CLMP: variants seen among roughly 807,000 people sequenced by gnomAD.
CLMP encodes CXADR like cell adhesion molecule, also known as CXADR-like membrane protein.
CLMP carries 27 observed loss-of-function variants against 45.2 expected under a neutral mutation model. That is an observed-to-expected ratio of 0.60 (90% confidence interval 0.44 to 0.82). The LOEUF is 0.82. Ranked by LOEUF, CLMP falls within the 40% of genes least tolerant of loss-of-function variation. CLMP has a pLI of 0.00. For missense variants in CLMP, 403 were observed against 448.4 expected, an observed-to-expected ratio of 0.90 and a Z score of 0.91; for synonymous variants, 167 against 171.4, an observed-to-expected ratio of 0.97 and a Z score of 0.20.
rs1347140250 is a variant in CLMP, at chr11:123,145,288, C to T, written c.29-47336G>A. ...GTGCTATTAAAGGGTTAACTTTGTG[C>T]TCTCGTCTGTTTTCGTGCCAACCTC... On this transcript the variant is annotated intron_variant, in intron 1 of 6. Coordinates refer to ENST00000448775, the MANE Select transcript of CLMP (RefSeq NM_024769.5). 3.3e-5 allele frequency among the ~76,000 whole-genome samples: 5 copies of T among 152,102 alleles called. No individual in the cohort carries two copies. In the South Asian group the frequency reaches 8.3e-4, roughly 25 times the overall value.
chr11:123,095,123 G>T (rs2135478544), intron 2 of CLMP, among the ~76,000 whole-genome samples: 1 of 152,232 alleles, frequency 6.6e-6, no homozygotes, highest in Non-Finnish European at 1.5e-5. Context: ...GACAAGCAGG[G>T]AATTGTGACT....
At chr11:123,187,951 T>A (rs1159053772) in intron 1 of CLMP, among the ~76,000 whole-genome samples, 1 of 152,164 alleles carries the variant, frequency 6.6e-6, no homozygotes, top group African/African-American at 2.4e-5. Flanking sequence ...CACAGGAATA[T>A]CAGACACAGT....
At chr11:123,123,607 G>A (rs1026760431) in intron 1 of CLMP, among the ~76,000 whole-genome samples, 26 of 152,070 alleles carry the variant, frequency 1.7e-4, no homozygotes, top group Admixed American at 1.6e-3. Flanking sequence ...GAGGAAGTGC[G>A]GCGTACACAC....
intron 1 of CLMP, among the ~76,000 whole-genome samples, chr11:123,133,010 C>G (rs1158961166): frequency 6.6e-6 from 1 of 152,078 alleles, no homozygotes; most frequent in Non-Finnish European, 1.5e-5. Flanking sequence ...CTCAAGCGAT[C>G]TGCCTGCCTC....
At chr11:123,103,491 G>C (rs1417357594) in intron 1 of CLMP, among the ~76,000 whole-genome samples, 1 of 152,030 alleles carries the variant, frequency 6.6e-6, no homozygotes, top group Non-Finnish European at 1.5e-5. Context: ...TTGACAGTCA[G>C]CCAAGTCCTA....
chr11:123,150,480 A>AAGGAAGGAAGG (rs1565397435), intron 1 of CLMP, among the ~76,000 whole-genome samples: 9 of 40,956 alleles, frequency 2.2e-4, no homozygotes, highest in African/African-American at 3.4e-4. Context: ...AGAAAGAAAG[A>AAGGAAGGAAGG]AAGGAAGGAA....
chr11:123,177,666 G>A (rs1861716320), intron 1 of CLMP, among the ~76,000 whole-genome samples: 1 of 152,154 alleles, frequency 6.6e-6, no homozygotes, highest in African/African-American at 2.4e-5. Flanking sequence ...TGAGATTGCA[G>A]GCATGAGCCA....
intron 1 of CLMP, among the ~76,000 whole-genome samples, chr11:123,132,913 G>A (rs1483641151): frequency 6.6e-6 from 1 of 151,824 alleles, no homozygotes; most frequent in Admixed American, 6.6e-5. Flanking sequence ...GCAAGTAGGC[G>A]TGCACCACCA....
intron 1 of CLMP, among the ~76,000 whole-genome samples, chr11:123,108,060 T>A (rs1179834694): frequency 6.6e-6 from 1 of 151,996 alleles, no homozygotes; most frequent in Non-Finnish European, 1.5e-5. Flanking sequence ...GGAAAAGAAT[T>A]CTAGACGGAG....
chr11:123,131,334 T>C (rs1860985607), intron 1 of CLMP, among the ~76,000 whole-genome samples: 1 of 151,248 alleles, frequency 6.6e-6, no homozygotes, highest in African/African-American at 2.4e-5. Flanking sequence ...TAGAAAAAAA[T>C]ACAGAAAAAA....
At chr11:123,161,038 A>G (rs1861480893) in intron 1 of CLMP, among the ~76,000 whole-genome samples, 1 of 151,942 alleles carries the variant, frequency 6.6e-6, no homozygotes, top group Non-Finnish European at 1.5e-5. Context: ...TGAAACAGGC[A>G]GCATTAGATT....
At chr11:123,124,400 A>T (rs1204717350) in intron 1 of CLMP, among the ~76,000 whole-genome samples, 1 of 152,054 alleles carries the variant, frequency 6.6e-6, no homozygotes, top group East Asian at 1.9e-4. Context: ...TACCCCACAA[A>T]ACCCCTCTTA....
intron 1 of CLMP, among the ~76,000 whole-genome samples, chr11:123,143,736 T>G (rs995011738): frequency 5.9e-5 from 9 of 152,138 alleles, no homozygotes; most frequent in Non-Finnish European, 1.3e-4. Flanking sequence ...ACGACTTGCA[T>G]GTCCATGACA....
intron 1 of CLMP, among the ~76,000 whole-genome samples, chr11:123,110,544 A>C (rs1055203705): frequency 6.6e-5 from 10 of 151,982 alleles, no homozygotes; most frequent in African/African-American, 2.4e-4. Flanking sequence ...GCTGGAACTC[A>C]GGAAGTGCAG....
chr11:123,102,576 G>C (rs1358581375), intron 1 of CLMP, among the ~76,000 whole-genome samples: 1 of 142,560 alleles, frequency 7.0e-6, no homozygotes, highest in Non-Finnish European at 1.5e-5. Flanking sequence ...ACCGTGCCCA[G>C]CCAGGTTTTT....
At chr11:123,134,896 G>C (rs1211302074) in intron 1 of CLMP, among the ~76,000 whole-genome samples, 1 of 152,094 alleles carries the variant, frequency 6.6e-6, no homozygotes, top group Non-Finnish European at 1.5e-5. Flanking sequence ...GATACCAGCT[G>C]TCATAAATCC....
chr11:123,142,238 G>A (rs984478749), intron 1 of CLMP, among the ~76,000 whole-genome samples: 6 of 151,882 alleles, frequency 4.0e-5, no homozygotes, highest in Non-Finnish European at 5.9e-5. Flanking sequence ...CTCCTGCCTC[G>A]GCCTCCCAAA....
chr11:123,152,559 TA>T (rs1376927312), intron 1 of CLMP, among the ~76,000 whole-genome samples: 1,811 of 149,764 alleles, frequency 0.012, 22 homozygotes, highest in African/African-American at 0.04. Context: ...AATAAATAAA[TA>T]AATAAAAAAT....
chr11:123,134,219 C>CTGGGCGAG (rs1861034483), intron 1 of CLMP, among the ~76,000 whole-genome samples: 1 of 151,374 alleles, frequency 6.6e-6, no homozygotes, highest in Non-Finnish European at 1.5e-5. Context: ...GAGATCTCGC[C>CTGGGCGAG]ACTGCACTCC....
Sources: allele counts gnomAD v4.1 joint callset (sites outside exome capture counted in the v4.1 genomes callset), GRCh38; gene constraint gnomAD v4.1.1; transcripts MANE v1.5; gene names NCBI Gene and HGNC (gene_info 2026-07-23, HGNC 2026-07-21).